HMCN2: variants seen among roughly 807,000 people sequenced by gnomAD.
HMCN2 encodes the protein hemicentin 2.
HMCN2 carries 325 observed loss-of-function variants against 377.5 expected under a neutral mutation model. The ratio of observed to expected loss-of-function variants is 0.86; its 90% confidence interval spans 0.79 to 0.94. The LOEUF (loss-of-function observed/expected upper bound fraction) is 0.94. HMCN2 is among the 40% of genes least tolerant of loss of function. The pLI, the probability that HMCN2 is intolerant of heterozygous loss-of-function variation, is 0.00. For missense variants in HMCN2, 4,543 were observed against 4,725.3 expected, an observed-to-expected ratio of 0.96 and a Z score of 1.13; for synonymous variants, 2,007 against 2,046.8, an observed-to-expected ratio of 0.98 and a Z score of 0.53.
chr9:130,412,533 C>T (rs1249906431), intron 85 of HMCN2, among the ~76,000 whole-genome samples: 1 of 148,368 alleles, frequency 6.7e-6, no homozygotes, highest in East Asian at 2.0e-4. Flanking sequence ...AATCTAAGGT[C>T]GTCTTTTTCT....
At position 130,403,848 on chromosome 9, in the gene HMCN2, A is replaced by T. The variant is rs1459597243; in HGVS notation, c.12121A>T (p.Met4041Leu). The change falls in exon 80 of 98, where the codon ATG becomes TTG. Residue 4041 changes from methionine (M) to leucine (L), a missense_variant. By Grantham distance (15) the Met-to-Leu change is conservative. Transcript: ENST00000683500. The stretch of plus-strand genomic sequence containing the variant: ...CGCTAAGAACAGTGCGGGCAGTGCC[A>T]TGGGGAAGACGCGGCTGGTGGTGCA... ...CIAKNSAGSAMGKTRLVVQVP... is the reference protein window; with the variant it reads ...CIAKNSAGSALGKTRLVVQVP... 4 of 1,289,494 alleles carry T rather than the reference A, an allele frequency of 3.1e-6. No individual in the cohort carries two copies. Among genetic ancestry groups the T allele is most frequent in the Non-Finnish European group, 4.0e-6 (4 of 988,710 alleles). The allele number at this position is 1,289,494 out of a possible 1,614,324, so 79.9% of individuals were successfully genotyped here.
intron 62 of HMCN2, among the ~76,000 whole-genome samples, chr9:130,389,388 GT>G (rs1469719464): frequency 6.6e-6 from 1 of 151,736 alleles, no homozygotes; most frequent in African/African-American, 2.4e-5. Context: ...ATCACTCCCC[GT>G]TTTCTCCCCA....
chr9:130,383,430 C>A, intron 56 of HMCN2, 74 bp from the exon 57 acceptor site: 2 of 654,110 alleles, frequency 3.1e-6, no homozygotes, highest in Non-Finnish European at 3.8e-6. Context: ...AGGGATTCCT[C>A]GCAGTCATTC....
At chr9:130,392,845 A>G (rs1564848211) in intron 66 of HMCN2, among the ~76,000 whole-genome samples, 1 of 151,822 alleles carries the variant, frequency 6.6e-6, no homozygotes, top group Non-Finnish European at 1.5e-5. Flanking sequence ...AAATACAAAA[A>G]ATTAGCCGGG....
At chr9:130,425,238 G>A (rs956591910) in intron 89 of HMCN2, 108 bp downstream of exon 89, 40 of 1,246,006 alleles carry the variant, frequency 3.2e-5, no homozygotes, top group African/African-American at 1.2e-4. Context: ...TTCTGACAGC[G>A]CTGCAGGGCT....
chr9:130,390,535 A>G (rs1470053805), intron 62 of HMCN2, among the ~76,000 whole-genome samples: 1 of 151,384 alleles, frequency 6.6e-6, no homozygotes, highest in Non-Finnish European at 1.5e-5. Flanking sequence ...GGCTGGAGAG[A>G]ATGAAGGGGG....
In HMCN2 at chr9:130,394,103, C is replaced by T; in HGVS notation, c.10501+95C>T. On this transcript the variant is annotated intron_variant, in intron 68 of 97. Transcript: ENST00000683500. This position sits in a 1 kb window ranked among gnomAD's most constrained non-coding sequence, Gnocchi z 5.1. ...AAGGACAGTGAGGGAGGTGAGTCCCCTGGAGACCTGGGACTGCCACCTGGG... is the reference window on the plus strand; with the variant it reads ...AAGGACAGTGAGGGAGGTGAGTCCCTTGGAGACCTGGGACTGCCACCTGGG... 1 of 1,100,508 alleles carries T rather than the reference C, an allele frequency of 9.1e-7. No individual in the cohort carries two copies. Among genetic ancestry groups the T allele is most frequent in the Non-Finnish European group, 1.2e-6 (1 of 862,716 alleles). The allele number at this position is 1,100,508 out of a possible 1,614,324, so 68.2% of individuals were successfully genotyped here.
intron 77 of HMCN2, among the ~76,000 whole-genome samples, chr9:130,401,883 G>A (rs545876082): frequency 5.3e-5 from 8 of 152,150 alleles, no homozygotes; most frequent in African/African-American, 1.9e-4. Flanking sequence ...AGACCAGCCT[G>A]GGCAACACAG....
At chr9:130,387,172 C>T (rs530316777) in intron 61 of HMCN2, among the ~76,000 whole-genome samples, 2 of 152,334 alleles carry the variant, frequency 1.3e-5, no homozygotes, top group South Asian at 4.1e-4. Context: ...CATGTGGCTC[C>T]AGCTGGGGTG....
At position 130,391,575 on chromosome 9, in the gene HMCN2, G is replaced by C; in HGVS notation, c.9952+1G>C. ...AGGCTGCACACGGTGAATGTGCTGG[G>C]TGAGGAGCCCCAGGGCATCTGGAGG... On this transcript the variant is annotated splice_donor_variant, in intron 65 of 97. Transcript: ENST00000683500. LOFTEE classifies it high-confidence loss of function. 1 of 987,004 alleles carries C rather than the reference G, an allele frequency of 1.0e-6. No homozygotes were observed. The highest frequency in any genetic ancestry group is 1.2e-6 in the Non-Finnish European group (1 of 830,162). The allele number at this position is 987,004 out of a possible 1,614,324, so 61.1% of individuals were successfully genotyped here.
intron 31 of HMCN2, among the ~76,000 whole-genome samples, chr9:130,353,986 G>GCTGCA (rs1278814964): frequency 6.6e-6 from 1 of 152,132 alleles, no homozygotes; most frequent in Non-Finnish European, 1.5e-5. Flanking sequence ...GGGCAGCTGA[G>GCTGCA]CTGCATGGGC....
chr9:130,314,227 G>T (rs1837422326), intron 15 of HMCN2, among the ~76,000 whole-genome samples: 1 of 152,336 alleles, frequency 6.6e-6, no homozygotes, highest in Admixed American at 6.5e-5. Context: ...ATCCTTTGGG[G>T]AGGGGAGTTG....
chr9:130,336,428 G>A (rs1838750840), intron 22 of HMCN2, among the ~76,000 whole-genome samples: 1 of 152,230 alleles, frequency 6.6e-6, no homozygotes, highest in African/African-American at 2.4e-5. Context: ...GCCGTGTTAT[G>A]AATTAGGCCA....
rs1473048822 is a variant in HMCN2 at position 130,382,232 on chromosome 9, G to T, written c.8480G>T (p.Arg2827Met). 8.1e-6 allele frequency: 8 copies of T among 985,860 alleles called. No individual in the cohort carries two copies. The highest frequency in any genetic ancestry group is 9.6e-6 in the Non-Finnish European group (8 of 829,934). 61.1% of individuals were successfully genotyped at this position (985,860 alleles called of 1,614,324 possible). Residue 2827 changes from arginine to methionine, a missense_variant, in exon 55 of 98, where the codon AGG becomes ATG. This residue lies in a region of HMCN2 where 736 missense variants were observed against 773.2 expected (regional missense o/e 0.95). Transcript: ENST00000683500. ...IPLVRAENAG[R>M]YSCKASNEVG... ...CTGGTGCGGGCAGAGAACGCCGGGA[G>T]GTACTCGTGCAAGGCCTCCAACGAG...
chr9:130,386,526 T>A lies in HMCN2; in HGVS notation c.9391+2T>A. ...GGACCTTCACCCTCACCGTCCAGGGTAAGCCAGGGACCAGCCTAGCCAACG... is the reference window on the plus strand; with the variant it reads ...GGACCTTCACCCTCACCGTCCAGGGAAAGCCAGGGACCAGCCTAGCCAACG... On this transcript the variant is annotated splice_donor_variant, in intron 61 of 97. Coordinates refer to ENST00000683500, the MANE Select transcript of HMCN2 (RefSeq NM_001291815.2). LOFTEE classifies it high-confidence loss of function. 2 of 1,302,628 alleles carry A rather than the reference T, an allele frequency of 1.5e-6. No individual in the cohort carries two copies. The highest frequency in any genetic ancestry group is 2.0e-6 in the Non-Finnish European group (2 of 988,628). The allele number at this position is 1,302,628 out of a possible 1,614,324, so 80.7% of individuals were successfully genotyped here.
chr9:130,404,276 C>T (rs1436244672), intron 80 of HMCN2, among the ~76,000 whole-genome samples: 1 of 152,208 alleles, frequency 6.6e-6, no homozygotes, highest in East Asian at 1.9e-4. Context: ...ATGTCTTGGC[C>T]CCAGTGGCCT....
rs79360270 is a variant in HMCN2, at chr9:130,385,883, A to C, written c.9309+121A>C. 4,659 of 585,962 alleles carry C rather than the reference A, an allele frequency of 8.0e-3. 180 individuals carry two copies. The African/African-American group carries it at 0.081, about 10-fold the overall frequency. 36.3% of individuals were successfully genotyped at this position (585,962 alleles called of 1,614,324 possible). A position where few individuals can be genotyped will look rare whatever the true frequency, so the allele number is the denominator to read the frequency against. ...AGTTGCTGCCTCCTTGGCCTGTCAG[A>C]CCCCAAACCGAGTGGATTAGCAGCT... On this transcript the variant is annotated intron_variant, in intron 60 of 97. Transcript: ENST00000683500.
chr9:130,425,178 C>A (rs535004901), intron 89 of HMCN2, 48 bp downstream of exon 89: 2 of 1,485,368 alleles, frequency 1.3e-6, no homozygotes, highest in South Asian at 2.7e-5. Flanking sequence ...GTGAGAGAGA[C>A]GAAGGTGCCC....
At chr9:130,319,097 G>A (rs893124707) in intron 15 of HMCN2, among the ~76,000 whole-genome samples, 2 of 152,192 alleles carry the variant, frequency 1.3e-5, no homozygotes, top group African/African-American at 4.8e-5. Flanking sequence ...GGGTAGGGGA[G>A]GGTAGGCAGG....
Sources: allele counts gnomAD v4.1 joint callset (sites outside exome capture counted in the v4.1 genomes callset), GRCh38; gene constraint gnomAD v4.1.1; regional missense constraint gnomAD v4.1.1; non-coding constraint Gnocchi (gnomAD v3.1); transcripts MANE v1.5; gene names NCBI Gene and HGNC (gene_info 2026-07-23, HGNC 2026-07-21).